SREBF2: variants seen among roughly 807,000 people sequenced by gnomAD.
The protein encoded by SREBF2 is sterol regulatory element binding transcription factor 2, also known as sterol regulatory element-binding protein 2.
A neutral mutation model predicts 113.1 loss-of-function variants in SREBF2; 55 were observed. That is an observed-to-expected ratio of 0.49 (90% CI 0.39 to 0.61). The LOEUF (loss-of-function observed/expected upper bound fraction) is 0.61, where lower values mean the gene tolerates loss of function less well. SREBF2 is among the 20% of genes least tolerant of loss of function. The probability of loss-of-function intolerance (pLI) is 0.00; values close to 1 mark genes in which losing one functional copy is unlikely to be tolerated. For synonymous variants in SREBF2, 593 were observed against 605.7 expected, an observed-to-expected ratio of 0.98 and a Z score of 0.31; for missense variants, 1,349 against 1,487.4, an observed-to-expected ratio of 0.91 and a Z score of 1.53.
rs1312395794 is a variant in SREBF2, at chr22:41,895,082, C to T, written c.2495+145C>T. 22 of 698,244 alleles carry T rather than the reference C, an allele frequency of 3.2e-5. 1 individual carries two copies. The East Asian group carries it at 6.1e-4, about 19-fold the overall frequency. The allele number at this position is 698,244 out of a possible 1,614,324, so 43.3% of individuals were successfully genotyped here. A position where few individuals can be genotyped will look rare whatever the true frequency, so the allele number is the denominator to read the frequency against. On this transcript the variant is annotated intron_variant, in intron 13 of 18. Transcript: ENST00000361204. ...CAAATGGTTCCTTTGTATTTAATTTCTCAAAAATGAGAGCCCTATGTTAAC... is the reference window on the plus strand; with the variant it reads ...CAAATGGTTCCTTTGTATTTAATTTTTCAAAAATGAGAGCCCTATGTTAAC...
Position 41,833,452 on chromosome 22 carries a change from C to T in SREBF2, c.88+94C>T, listed in dbSNP as rs902020247. 21 of 1,128,958 alleles carry T rather than the reference C, an allele frequency of 1.9e-5. No homozygotes were observed. Among genetic ancestry groups the T allele is most frequent in the East Asian group, 5.9e-5 (2 of 34,040 alleles). 69.9% of individuals were successfully genotyped at this position (1,128,958 alleles called of 1,614,324 possible). A position where few individuals can be genotyped will look rare whatever the true frequency, so the allele number is the denominator to read the frequency against. On this transcript the variant is annotated intron_variant, in intron 1 of 18. Transcript: ENST00000361204. The surrounding 1 kb of genome is among the most constrained non-coding windows in gnomAD (Gnocchi z 4.1). ...TGCGCGTGCGCCCACCCCCCGACAGCCCCGGTTCGCGCGGGAAGAACCCCG... is the reference window on the plus strand; with the variant it reads ...TGCGCGTGCGCCCACCCCCCGACAGTCCCGGTTCGCGCGGGAAGAACCCCG...
chr22:41,884,553 A>G (rs2148401175), intron 10 of SREBF2, among the ~76,000 whole-genome samples: 1 of 152,296 alleles, frequency 6.6e-6, no homozygotes, highest in African/African-American at 2.4e-5. Flanking sequence ...TGACATTGTT[A>G]TGTTGCACTG....
chr22:41,874,038 T>C lies in SREBF2; in HGVS notation c.1089+19T>C. The C allele has an allele frequency of 6.2e-7, 1 of 1,613,692 alleles. No individual in the cohort carries two copies. Reference sequence around the variant, plus strand: ...CGCCAAGGTGGGTGCCAAGCAAAATTGTGTTTTATGTTCCACCATCTCCCC... The same window carrying C: ...CGCCAAGGTGGGTGCCAAGCAAAATCGTGTTTTATGTTCCACCATCTCCCC... On this transcript the variant is annotated intron_variant, in intron 5 of 18. Coordinates refer to ENST00000361204, the MANE Select transcript of SREBF2 (RefSeq NM_004599.4).
At chr22:41,877,185 A>C in intron 7 of SREBF2, 44 bp from the exon 8 acceptor site, 1 of 1,587,198 alleles carries the variant, frequency 6.3e-7, no homozygotes, top group South Asian at 1.1e-5. Flanking sequence ...GTGCTGTAAA[A>C]ACCTATGCAG....
intron 3 of SREBF2, 104 bp from the exon 4 acceptor site, chr22:41,870,785 A>G (rs1292189262): frequency 1.4e-6 from 2 of 1,458,518 alleles, no homozygotes; most frequent in African/African-American, 1.4e-5. Flanking sequence ...CATAAAAATT[A>G]TATCATTTCT....
intron 11 of SREBF2, among the ~76,000 whole-genome samples, chr22:41,886,496 A>G (rs1223100202): frequency 6.6e-6 from 1 of 152,174 alleles, no homozygotes; most frequent in African/African-American, 2.4e-5. Context: ...TCATTTTATC[A>G]AAATACAACA....
rs1321729606 is a variant in SREBF2, at chr22:41,903,009, C to T, written c.2947C>T (p.Arg983Trp). ...CACCTGTGACCTGCTACTGTCGCTA[C>T]GGACAGCGCTCTGGCAAAAACAGGC... is the stretch of plus-strand genomic sequence containing the variant. ...LLTCDLLLSLRTALWQKQASA... is the reference protein window; with the variant it reads ...LLTCDLLLSLWTALWQKQASA... The change falls in exon 17 of 19, where the codon CGG (arginine) becomes TGG (tryptophan). Residue 983 changes from arginine (R) to tryptophan (W), a missense_variant. By Grantham distance (101) the Arg-to-Trp change is moderately radical. Transcript: ENST00000361204. 2 of 1,611,530 alleles carry T rather than the reference C, an allele frequency of 1.2e-6. No homozygotes were observed. The highest frequency in any genetic ancestry group is 1.3e-5 in the African/African-American group (1 of 74,902).
intron 1 of SREBF2, among the ~76,000 whole-genome samples, chr22:41,842,977 G>C (rs761324000): frequency 2.3e-4 from 35 of 150,480 alleles, no homozygotes; most frequent in Non-Finnish European, 4.0e-4. Flanking sequence ...ACACCAGAGC[G>C]AGACGTCCGT....
intron 1 of SREBF2, among the ~76,000 whole-genome samples, chr22:41,835,830 G>T (rs1689366992): frequency 6.6e-6 from 1 of 152,074 alleles, no homozygotes; most frequent in South Asian, 2.1e-4. Flanking sequence ...TCACTGTGTT[G>T]CCCAGGCTAG....
intron 1 of SREBF2, among the ~76,000 whole-genome samples, chr22:41,864,295 ATATATATATATATG>A (rs1432970055): frequency 8.9e-6 from 1 of 112,150 alleles, no homozygotes; most frequent in Admixed American, 1.2e-4. Context: ...AAATATCAAA[ATATATATATATATG>A]TATATATATA....
At chr22:41,891,896 T>C (rs1290133769) in intron 11 of SREBF2, among the ~76,000 whole-genome samples, 4 of 152,202 alleles carry the variant, frequency 2.6e-5, no homozygotes, top group Non-Finnish European at 4.4e-5. Flanking sequence ...GTGACAGAAC[T>C]GAAAACGTGG....
At chr22:41,842,235 C>T (rs968285095) in intron 1 of SREBF2, among the ~76,000 whole-genome samples, 63 of 152,134 alleles carry the variant, frequency 4.1e-4, no homozygotes, top group Admixed American at 3.1e-3. Context: ...GTAGTCCCAC[C>T]GCTCCCTCAC....
intron 1 of SREBF2, among the ~76,000 whole-genome samples, chr22:41,858,068 A>G (rs1387427144): frequency 1.3e-5 from 2 of 152,166 alleles, no homozygotes; most frequent in Non-Finnish European, 2.9e-5. Flanking sequence ...TAATTATTAG[A>G]AAAAAACATT....
intron 10 of SREBF2, among the ~76,000 whole-genome samples, chr22:41,883,245 CCAGGAATAA>C (rs1569400759): frequency 6.6e-6 from 1 of 151,992 alleles, no homozygotes; most frequent in Non-Finnish European, 1.5e-5. Flanking sequence ...AAGATGAGGG[CCAGGAATAA>C]CAGTAGGATG....
chr22:41,904,656 C>T (rs1294169180), intron 17 of SREBF2: 4 of 708,962 alleles, frequency 5.6e-6, no homozygotes, highest in East Asian at 2.7e-5. Flanking sequence ...CTCCTCTCAT[C>T]CTGCTCCTGC....
intron 15 of SREBF2, chr22:41,899,027 C>T (rs1384276183): frequency 1.8e-5 from 11 of 628,548 alleles, no homozygotes; most frequent in Admixed American, 5.1e-5. Context: ...GCACTGTGTC[C>T]GGGTCCTCCT....
Position 41,875,601 on chromosome 22 carries a change from C to T in SREBF2, c.1263C>T (p.Ile421=), listed in dbSNP as rs527268225. The T allele has an allele frequency of 4.3e-6, 7 of 1,614,196 alleles. No homozygotes were observed. The highest frequency in any genetic ancestry group is 3.3e-5 in the Admixed American group (2 of 60,022). The change falls in exon 7 of 19, where the codon ATC becomes ATT. Residue 421 remains isoleucine (I), a synonymous_variant. Transcript: ENST00000361204. ...SLVDNEVDLK[I]EDFNQNVLLM... ...TGGACAATGAGGTGGACCTGAAGAT[C>T]GAGGACTTTAATCAGAATGTCCTTC...
In SREBF2 at chr22:41,871,009, A is replaced by G. The variant is rs756417004; in HGVS notation, c.841A>G (p.Ile281Val). 2.5e-6 allele frequency: 4 copies of G among 1,613,690 alleles called. No individual in the cohort carries two copies. In the Admixed American group the frequency reaches 6.7e-5, roughly 27 times the overall value. Residue 281 changes from isoleucine to valine, a missense_variant, in exon 4 of 19, where the codon ATC becomes GTC. Around this residue, in one of 2 missense-constraint regions of SREBF2, gnomAD observed 699 missense variants for 843.3 expected, o/e 0.83. Transcript: ENST00000361204. ...NPALTALTTPIQTAALQVPTL... is the reference protein window; with the variant it reads ...NPALTALTTPVQTAALQVPTL... Reference sequence around the variant, plus strand: ...GGCCCTCACCGCCCTCACCACCCCTATCCAGACGGCTGCCCTTCAAGTACC... The same window carrying G: ...GGCCCTCACCGCCCTCACCACCCCTGTCCAGACGGCTGCCCTTCAAGTACC...
chr22:41,836,732 G>A (rs2076779271), intron 1 of SREBF2, among the ~76,000 whole-genome samples: 1 of 152,188 alleles, frequency 6.6e-6, no homozygotes, highest in Non-Finnish European at 1.5e-5. Context: ...AGTTGGATTA[G>A]ATCAAGGAAA....
Sources: gnomAD v4.1 joint callset for allele counts (sites outside exome capture counted in the v4.1 genomes callset) on GRCh38, gnomAD v4.1.1 for gene constraint, gnomAD v4.1.1 regional missense constraint, Gnocchi (gnomAD v3.1) non-coding constraint, MANE v1.5 for transcripts, NCBI Gene and HGNC (gene_info 2026-07-23, HGNC 2026-07-21) for gene names.